MMP16: variants seen among roughly 807,000 people sequenced by gnomAD.
The protein encoded by MMP16 is matrix metalloproteinase-16.
Under a neutral mutation model 67.8 loss-of-function variants are expected in MMP16, and 12 were observed. That is an observed-to-expected ratio of 0.18 (90% CI 0.11 to 0.29). The LOEUF is 0.29. MMP16 is among the 10% of genes least tolerant of loss of function. The pLI is 1.00. For synonymous variants in MMP16, 249 were observed against 255.9 expected (o/e 0.97, Z 0.26); for missense variants, 475 against 765.7 (o/e 0.62, Z 4.48).
At chr8:88,064,586 C>A (rs1167062196) in intron 7 of MMP16, among the ~76,000 whole-genome samples, 2 of 152,034 alleles carry the variant, frequency 1.3e-5, no homozygotes, top group African/African-American at 4.8e-5. Flanking sequence ...ATCAAATACA[C>A]TCACACTGTA....
At position 88,157,652 on chromosome 8, in the gene MMP16, G is replaced by A. The variant is rs569852866; in HGVS notation, c.709+10017C>T. ...GTTGTGTTAAGCCATAGGAATTTCT[G>A]GTTTCATCTGCTTCATTTTATTTTA... On this transcript the variant is annotated intron_variant, in intron 4 of 9. Transcript: ENST00000286614. Among the ~76,000 whole-genome samples the A allele has an allele frequency of 2.0e-5, 3 of 150,942 alleles. No homozygotes were observed. The South Asian group carries it at 6.3e-4, about 32-fold the overall frequency.
intron 9 of MMP16, 24 bp downstream of exon 9, chr8:88,046,645 A>G (rs2118199490): frequency 2.8e-6 from 4 of 1,450,684 alleles, no homozygotes. Flanking sequence ...AACTTATGAA[A>G]TGTAGAAAGC....
chr8:88,296,343 TTC>T (rs572404900), intron 1 of MMP16, among the ~76,000 whole-genome samples: 66 of 152,366 alleles, frequency 4.3e-4, no homozygotes, highest in African/African-American at 1.4e-3. Flanking sequence ...CAATGTGATT[TTC>T]TGTCTGTATA....
intron 4 of MMP16, among the ~76,000 whole-genome samples, chr8:88,133,148 G>T (rs1469193875): frequency 6.6e-6 from 1 of 151,502 alleles, no homozygotes; most frequent in African/African-American, 2.4e-5. Context: ...ATACTGTTTT[G>T]GGAATTCATG....
intron 7 of MMP16, among the ~76,000 whole-genome samples, chr8:88,061,359 C>A (rs1233450847): frequency 6.6e-6 from 1 of 152,064 alleles, no homozygotes; most frequent in Non-Finnish European, 1.5e-5. Context: ...TGACTTATTG[C>A]ACCCTTTCCT....
In MMP16 at chr8:88,247,651, T is replaced by C. The variant is rs1317400257; in HGVS notation, c.133-50345A>G. On this transcript the variant is annotated intron_variant, in intron 1 of 9. Coordinates refer to ENST00000286614, the MANE Select transcript of MMP16 (RefSeq NM_005941.5). Reference sequence around the variant, plus strand: ...AGAGAGAGAGATTGACAATAAAAGGTAGGAAAACCCTGGAACAATTTTAGG... The same window carrying C: ...AGAGAGAGAGATTGACAATAAAAGGCAGGAAAACCCTGGAACAATTTTAGG... 2.6e-5 allele frequency among the ~76,000 whole-genome samples: 4 copies of C among 152,056 alleles called. No individual in the cohort carries two copies. In the East Asian group the frequency reaches 5.8e-4, roughly 22 times the overall value.
At chr8:88,175,109 A>G (rs888565756) in intron 3 of MMP16, among the ~76,000 whole-genome samples, 1 of 152,160 alleles carries the variant, frequency 6.6e-6, no homozygotes, top group Non-Finnish European at 1.5e-5. Context: ...CAAAAAGGTG[A>G]TGGCCAGAAG....
At chr8:88,053,393 A>G (rs1336640993) in intron 8 of MMP16, among the ~76,000 whole-genome samples, 1 of 152,188 alleles carries the variant, frequency 6.6e-6, no homozygotes, top group African/African-American at 2.4e-5. Flanking sequence ...AGTACTCATC[A>G]TTCGCTATTG....
chr8:88,313,778 G>A (rs951328001), intron 1 of MMP16, among the ~76,000 whole-genome samples: 7 of 152,012 alleles, frequency 4.6e-5, no homozygotes, highest in African/African-American at 1.7e-4. Flanking sequence ...CATGGCTGGC[G>A]AGGCCTCACA....
At chr8:88,160,099 C>T (rs1471475736) in intron 4 of MMP16, among the ~76,000 whole-genome samples, 2 of 151,898 alleles carry the variant, frequency 1.3e-5, no homozygotes, top group Non-Finnish European at 2.9e-5. Flanking sequence ...TTAGGTATAT[C>T]TCCTAATGCT....
intron 8 of MMP16, among the ~76,000 whole-genome samples, chr8:88,055,883 A>G (rs1303649188): frequency 3.3e-5 from 5 of 152,202 alleles, no homozygotes; most frequent in African/African-American, 4.8e-5. Context: ...TGTTACAATT[A>G]TGGGGAAATG....
At chr8:88,148,714 T>A (rs1050172523) in intron 4 of MMP16, among the ~76,000 whole-genome samples, 2 of 145,756 alleles carry the variant, frequency 1.4e-5, no homozygotes, top group Non-Finnish European at 3.0e-5. Context: ...TTGTACATTA[T>A]TGCTTATCTA....
intron 4 of MMP16, among the ~76,000 whole-genome samples, chr8:88,129,702 T>C (rs147121722): frequency 6.6e-6 from 1 of 151,702 alleles, no homozygotes; most frequent in East Asian, 1.9e-4. Context: ...TTCATAAAGA[T>C]ATACAATAGC....
chr8:88,069,114 C>T lies in MMP16; in HGVS notation c.1222+5491G>A, dbSNP rs139965216. On this transcript the variant is annotated intron_variant, in intron 7 of 9. Transcript: ENST00000286614. ...ACTACAAAAGTGCCTGCAAGTATTT[C>T]GATCGGGATTGCACTGAATGTCAAC... 1,169 of 192,822 alleles carry T rather than the reference C, an allele frequency of 6.1e-3. 8 individuals carry two copies. The highest frequency in any genetic ancestry group is 0.026 in the African/African-American group (1,098 of 41,722). 11.9% of individuals were successfully genotyped at this position (192,822 alleles called of 1,614,324 possible).
chr8:88,242,515 G>A (rs562150151), intron 1 of MMP16, among the ~76,000 whole-genome samples: 1 of 152,232 alleles, frequency 6.6e-6, no homozygotes, highest in East Asian at 1.9e-4. Context: ...AAGAAGTGTG[G>A]CTCAGAAAAC....
intron 4 of MMP16, among the ~76,000 whole-genome samples, chr8:88,150,860 C>G (rs1264457203): frequency 6.8e-6 from 1 of 145,996 alleles, no homozygotes; most frequent in Non-Finnish European, 1.5e-5. Flanking sequence ...TCACACATAA[C>G]AATATTAACT....
intron 2 of MMP16, among the ~76,000 whole-genome samples, chr8:88,191,657 CCA>C (rs139547264): frequency 6.4e-4 from 98 of 151,944 alleles, no homozygotes; most frequent in African/African-American, 2.3e-3. Flanking sequence ...GTTTGGTGTA[CCA>C]CACACACACA....
At chr8:88,244,116 T>C (rs966272700) in intron 1 of MMP16, among the ~76,000 whole-genome samples, 6 of 152,104 alleles carry the variant, frequency 3.9e-5, no homozygotes, top group African/African-American at 1.2e-4. Flanking sequence ...AGGGCAACAG[T>C]TGTTTACCAT....
intron 1 of MMP16, among the ~76,000 whole-genome samples, chr8:88,207,106 T>C (rs146636461): frequency 6.6e-6 from 1 of 152,280 alleles, no homozygotes; most frequent in South Asian, 2.1e-4. Flanking sequence ...ATAAAACATA[T>C]GTGGTAACTC....
Sources: allele counts gnomAD v4.1 joint callset (sites outside exome capture counted in the v4.1 genomes callset), GRCh38; gene constraint gnomAD v4.1.1; transcripts MANE v1.5; gene names NCBI Gene and HGNC (gene_info 2026-07-23, HGNC 2026-07-21).